Variants in EML6 observed in about 807,000 individuals in gnomAD.
The protein encoded by EML6 is echinoderm microtubule-associated protein-like 6.
A neutral mutation model predicts 240.1 loss-of-function variants in EML6; 154 were observed. That is an observed-to-expected ratio of 0.64 (90% CI 0.56 to 0.73). The LOEUF is 0.73. Among genes scored for constraint, EML6 ranks in the 30% least tolerant of loss-of-function variants. The probability of loss-of-function intolerance (pLI) is 0.00; values close to 1 mark genes in which losing one functional copy is unlikely to be tolerated. For synonymous variants in EML6, 1,148 were observed against 899.0 expected (o/e 1.28, Z -4.95); for missense variants, 2,964 against 2,474.6 (o/e 1.20, Z -4.20).
intron 2 of EML6, among the ~76,000 whole-genome samples, chr2:54,786,195 C>T (rs1669079725): frequency 6.6e-6 from 1 of 152,026 alleles, no homozygotes; most frequent in African/African-American, 2.4e-5. Flanking sequence ...TATGCTTATT[C>T]CCTGAGTGTC....
At chr2:54,880,245 T>C (rs953649427) in intron 17 of EML6, 1 of 152,384 alleles carries the variant, frequency 6.6e-6, no homozygotes, top group Non-Finnish European at 1.5e-5. Context: ...CCTACTTACA[T>C]TGAGCTCAGC....
In EML6 at chr2:54,866,984, C is replaced by T. The variant is rs912012007; in HGVS notation, c.2051+100C>T. 3.5e-5 allele frequency: 22 copies of T among 636,546 alleles called. 1 individual carries two copies. In the Middle Eastern group the frequency reaches 1.5e-3, roughly 43 times the overall value. The allele number at this position is 636,546 out of a possible 1,614,324, so 39.4% of individuals were successfully genotyped here. A position where few individuals can be genotyped will look rare whatever the true frequency, so the allele number is the denominator to read the frequency against. On this transcript the variant is annotated intron_variant, in intron 14 of 41. Coordinates refer to ENST00000356458, the MANE Select transcript of EML6 (RefSeq NM_001039753.4). The stretch of plus-strand genomic sequence containing the variant: ...TTAAGGGATCCCCTCCCCTCAGTGT[C>T]GTCCTCCTCCTGGCTAGCTCTTCTC...
At chr2:54,945,573 C>T (rs1052642743) in intron 28 of EML6, among the ~76,000 whole-genome samples, 1 of 152,148 alleles carries the variant, frequency 6.6e-6, no homozygotes, top group Admixed American at 6.5e-5. Flanking sequence ...CCCCAGTTGG[C>T]TCTCATGTTG....
intron 2 of EML6, among the ~76,000 whole-genome samples, chr2:54,784,507 C>T (rs1007431480): frequency 9.9e-5 from 15 of 152,142 alleles, no homozygotes; most frequent in African/African-American, 3.6e-4. Context: ...TGTTACACAT[C>T]TGACCCTCAA....
At chr2:54,940,966 T>C (rs528845655) in intron 28 of EML6, among the ~76,000 whole-genome samples, 1 of 152,340 alleles carries the variant, frequency 6.6e-6, no homozygotes, top group South Asian at 2.1e-4. Flanking sequence ...ACAAAGAACA[T>C]GCTCATAAGT....
At chr2:54,791,355 A>G (rs778173513) in intron 2 of EML6, among the ~76,000 whole-genome samples, 2 of 152,158 alleles carry the variant, frequency 1.3e-5, no homozygotes, top group Non-Finnish European at 2.9e-5. Flanking sequence ...GTCCAGTTTG[A>G]TTTCAACAGT....
intron 25 of EML6, among the ~76,000 whole-genome samples, chr2:54,914,137 CT>C (rs1673784445): frequency 6.6e-6 from 1 of 152,160 alleles, no homozygotes; most frequent in African/African-American, 2.4e-5. Flanking sequence ...TATTCAGCCT[CT>C]TTTTTGGCTC....
intron 31 of EML6, among the ~76,000 whole-genome samples, chr2:54,953,574 C>T (rs1048188075): frequency 4.6e-5 from 7 of 152,120 alleles, no homozygotes; most frequent in Non-Finnish European, 8.8e-5. Context: ...ATGACTGTAA[C>T]AGCCCTAAAC....
intron 16 of EML6, among the ~76,000 whole-genome samples, chr2:54,872,651 C>A (rs1671316524): frequency 6.6e-6 from 1 of 152,178 alleles, no homozygotes; most frequent in Admixed American, 6.5e-5. Flanking sequence ...CTGGCCTTAA[C>A]CTTCCTTAGC....
chr2:54,938,402 C>T (rs1229747388), intron 28 of EML6, among the ~76,000 whole-genome samples: 2 of 152,200 alleles, frequency 1.3e-5, no homozygotes, highest in African/African-American at 2.4e-5. Context: ...TTTTAGGCGG[C>T]ACTGTTAGGG....
At chr2:54,870,849 A>G (rs1357188818) in intron 15 of EML6, among the ~76,000 whole-genome samples, 1 of 152,126 alleles carries the variant, frequency 6.6e-6, no homozygotes, top group African/African-American at 2.4e-5. Flanking sequence ...ATTTATGCCT[A>G]TGGCTTTATC....
At chr2:54,909,058 G>A (rs1197553570) in intron 24 of EML6, among the ~76,000 whole-genome samples, 2 of 152,208 alleles carry the variant, frequency 1.3e-5, no homozygotes, top group African/African-American at 4.8e-5. Flanking sequence ...TTTAAGTGAA[G>A]TATGATCTTT....
Position 54,962,761 on chromosome 2 carries a change from C to T in EML6, c.5157+50C>T, listed in dbSNP as rs1050694442. ...AGATGCCCACGAGTGGGCTGCGCGG[C>T]AGTGGGAGCTGAGCGAGGAGAGGCC... On this transcript the variant is annotated intron_variant, in intron 36 of 41. Transcript: ENST00000356458. The T allele has an allele frequency of 2.9e-6, 4 of 1,395,628 alleles. No homozygotes were observed. In the African/African-American group the frequency reaches 4.4e-5, roughly 15 times the overall value. 86.5% of individuals were successfully genotyped at this position (1,395,628 alleles called of 1,614,324 possible).
chr2:54,844,796 T>C (rs757026304), intron 8 of EML6, among the ~76,000 whole-genome samples: 1 of 152,232 alleles, frequency 6.6e-6, no homozygotes, highest in African/African-American at 2.4e-5. Flanking sequence ...TTTCTTGCTG[T>C]GGATCATTTT....
At chr2:54,870,227 G>A (rs1223955627) in intron 15 of EML6, among the ~76,000 whole-genome samples, 1 of 152,234 alleles carries the variant, frequency 6.6e-6, no homozygotes, top group African/African-American at 2.4e-5. Flanking sequence ...TTCATAACCT[G>A]GGGTTCATGA....
intron 7 of EML6, among the ~76,000 whole-genome samples, chr2:54,833,064 A>G (rs748691942): frequency 6.6e-6 from 1 of 152,276 alleles, no homozygotes; most frequent in Non-Finnish European, 1.5e-5. Flanking sequence ...TTTTCTAAAC[A>G]AATTTAGCAA....
At chr2:54,752,321 A>G (rs1204914324) in intron 2 of EML6, among the ~76,000 whole-genome samples, 2 of 152,218 alleles carry the variant, frequency 1.3e-5, no homozygotes, top group African/African-American at 4.8e-5. Flanking sequence ...GAAATATAAC[A>G]CATATATAAA....
At chr2:54,917,982 A>T (rs1382098009) in intron 26 of EML6, among the ~76,000 whole-genome samples, 3 of 152,218 alleles carry the variant, frequency 2.0e-5, no homozygotes, top group African/African-American at 7.2e-5. Flanking sequence ...ACTTGTGTTA[A>T]ATCAAACTAA....
rs1677035855 is a variant in EML6 at position 54,971,883 on chromosome 2, ATTT to A, written c.*1790_*1792del. The A allele has an allele frequency of 6.6e-6, 1 of 152,200 alleles. No individual in the cohort carries two copies. The highest frequency in any genetic ancestry group is 1.5e-5 in the Non-Finnish European group (1 of 68,020). The allele number at this position is 152,200 out of a possible 1,614,324, so 9.4% of individuals were successfully genotyped here. A position where few individuals can be genotyped will look rare whatever the true frequency, so the allele number is the denominator to read the frequency against. Reference sequence around the variant, plus strand: ...TATTTGTAAACGTTTATATGGTATGATTTTGATTTTATGTATGTTCATAAATCC... The same window carrying A: ...TATTTGTAAACGTTTATATGGTATGATGATTTTATGTATGTTCATAAATCC... On this transcript the variant is annotated 3_prime_UTR_variant, in exon 42 of 42. Coordinates refer to ENST00000356458, the MANE Select transcript of EML6 (RefSeq NM_001039753.4).
Sources: allele counts gnomAD v4.1 joint callset (sites outside exome capture counted in the v4.1 genomes callset), GRCh38; gene constraint gnomAD v4.1.1; transcripts MANE v1.5; gene names NCBI Gene and HGNC (gene_info 2026-07-23, HGNC 2026-07-21).